The following SEPTIN9 variants were observed in gnomAD, a reference collection of about 807,000 sequenced individuals.
The protein encoded by SEPTIN9 is septin 9.
SEPTIN9 carries 13 observed loss-of-function variants against 56.6 expected under a neutral mutation model. The ratio of observed to expected loss-of-function variants is 0.23; its 90% CI spans 0.15 to 0.37. SEPTIN9 has a LOEUF of 0.37. SEPTIN9 is among the 10% of genes least tolerant of loss of function. The pLI, the probability that SEPTIN9 is intolerant of heterozygous loss-of-function variation, is 1.00. For synonymous variants in SEPTIN9, 332 were observed against 334.1 expected, an observed-to-expected ratio of 0.99 and a Z score of 0.07; for missense variants, 650 against 823.1, an observed-to-expected ratio of 0.79 and a Z score of 2.57.
At chr17:77,338,453 C>T (rs1042748463) in intron 2 of SEPTIN9, among the ~76,000 whole-genome samples, 2 of 151,822 alleles carry the variant, frequency 1.3e-5, no homozygotes, top group African/African-American at 4.8e-5. Flanking sequence ...GAGTCTTGCT[C>T]TATTGCCCAG....
intron 2 of SEPTIN9, among the ~76,000 whole-genome samples, chr17:77,328,193 A>C (rs1358673055): frequency 6.6e-6 from 1 of 150,994 alleles, no homozygotes; most frequent in East Asian, 1.9e-4. Flanking sequence ...GGGCGTCCCC[A>C]TGCCCAGGGT....
At position 77,319,256 on chromosome 17, in the gene SEPTIN9, C is replaced by G. The variant is rs2032813302; in HGVS notation, c.76+12059C>G. 6.6e-6 allele frequency among the ~76,000 whole-genome samples: 1 copy of G among 152,220 alleles called. No individual in the cohort carries two copies. Among genetic ancestry groups the G allele is most frequent in the Non-Finnish European group, 1.5e-5 (1 of 68,050 alleles). On this transcript the variant is annotated intron_variant, in intron 2 of 11. Coordinates refer to ENST00000427177, the MANE Select transcript of SEPTIN9 (RefSeq NM_001113491.2). This position sits in a 1 kb window ranked among gnomAD's most constrained non-coding sequence, Gnocchi z 5.3. ...CCCACATTGTAAACCCCCACCTGCT[C>G]TGCTGAGCCCTTGGCCTCAGCATGG... is the stretch of plus-strand genomic sequence containing the variant.
At chr17:77,471,417 C>A (rs905210249) in intron 3 of SEPTIN9, among the ~76,000 whole-genome samples, 2 of 152,254 alleles carry the variant, frequency 1.3e-5, no homozygotes, top group Admixed American at 1.3e-4. Context: ...TTCTACCCAG[C>A]ACCTGGCAGG....
At chr17:77,295,723 C>T (rs527839630) in intron 1 of SEPTIN9, among the ~76,000 whole-genome samples, 30 of 152,184 alleles carry the variant, frequency 2.0e-4, no homozygotes, top group African/African-American at 6.5e-4. Context: ...CATCTGCAGC[C>T]GGCCTCACTT....
chr17:77,358,569 G>T (rs2034324927), intron 2 of SEPTIN9, among the ~76,000 whole-genome samples: 1 of 152,110 alleles, frequency 6.6e-6, no homozygotes, highest in Admixed American at 6.6e-5. Context: ...AACCTGGGAG[G>T]TGGAGGTTGC....
chr17:77,390,341 C>T (rs367662592), intron 2 of SEPTIN9, among the ~76,000 whole-genome samples: 657 of 59,656 alleles, frequency 0.011, 8 homozygotes, highest in African/African-American at 0.06. Context: ...AGCAAGACTC[C>T]GTCTTAAAAA....
At chr17:77,491,057 C>T (rs2040005149) in intron 8 of SEPTIN9, among the ~76,000 whole-genome samples, 198 bp downstream of exon 8, 1 of 152,198 alleles carries the variant, frequency 6.6e-6, no homozygotes, top group Non-Finnish European at 1.5e-5. Flanking sequence ...GCCTCTCCAG[C>T]TCCCCCATAT....
intron 3 of SEPTIN9, among the ~76,000 whole-genome samples, chr17:77,448,786 TTTC>T (rs914094507): frequency 3.9e-5 from 6 of 152,142 alleles, no homozygotes; most frequent in Non-Finnish European, 8.8e-5. Context: ...TTTCTTTTCT[TTTC>T]TTTTTTTTTT....
intron 3 of SEPTIN9, among the ~76,000 whole-genome samples, chr17:77,431,459 C>T (rs748712212): frequency 7.9e-5 from 12 of 152,260 alleles, no homozygotes; most frequent in Non-Finnish European, 1.6e-4. Context: ...AACATGTTCA[C>T]GTTTCCTTCT....
intron 3 of SEPTIN9, among the ~76,000 whole-genome samples, chr17:77,470,468 A>ACT: frequency 1.3e-5 from 2 of 151,648 alleles, no homozygotes; most frequent in South Asian, 2.1e-4. Flanking sequence ...CTACTCATCC[A>ACT]CTCACCCACC....
chr17:77,378,978 T>C (rs1417331799), intron 2 of SEPTIN9, among the ~76,000 whole-genome samples: 1 of 152,040 alleles, frequency 6.6e-6, no homozygotes, highest in African/African-American at 2.4e-5. Flanking sequence ...TGCGTTCGGC[T>C]CTGCAGGCTG....
At chr17:77,370,125 C>G (rs968043988) in intron 2 of SEPTIN9, among the ~76,000 whole-genome samples, 1 of 152,200 alleles carries the variant, frequency 6.6e-6, no homozygotes, top group Non-Finnish European at 1.5e-5. Context: ...GGGAATAAGG[C>G]ACGAGTTTCT....
At position 77,477,296 on chromosome 17, in the gene SEPTIN9, G is replaced by A. The variant is rs77982573; in HGVS notation, c.722-4848G>A. On this transcript the variant is annotated intron_variant, in intron 3 of 11. Coordinates refer to ENST00000427177, the MANE Select transcript of SEPTIN9 (RefSeq NM_001113491.2). The stretch of plus-strand genomic sequence containing the variant: ...CACCCCAAAAGGAAACGCCATCCTC[G>A]GTACACAGTCACTCCCCCTCCCCCA... 2.2e-4 allele frequency among the ~76,000 whole-genome samples: 34 copies of A among 152,036 alleles called. No homozygotes were observed. The East Asian group carries it at 4.2e-3, about 19-fold the overall frequency.
chr17:77,317,248 C>T lies in SEPTIN9; in HGVS notation c.76+10051C>T, dbSNP rs1231581043. Among the ~76,000 whole-genome samples the T allele has an allele frequency of 6.6e-6, 1 of 152,168 alleles. No homozygotes were observed. Among genetic ancestry groups the T allele is most frequent in the African/African-American group, 2.4e-5 (1 of 41,442 alleles). On this transcript the variant is annotated intron_variant, in intron 2 of 11. Transcript: ENST00000427177. This position sits in a 1 kb window ranked among gnomAD's most constrained non-coding sequence, Gnocchi z 4.2. ...CACATCCGAGATCAGGGTCACCAGG[C>T]TGAAATCAGGGTGTCCACTGGGCAT...
At chr17:77,414,761 A>T (rs1402348239) in intron 3 of SEPTIN9, among the ~76,000 whole-genome samples, 1 of 151,820 alleles carries the variant, frequency 6.6e-6, no homozygotes, top group Non-Finnish European at 1.5e-5. Context: ...TATTTTTTGT[A>T]GAGATGGGGT....
intron 3 of SEPTIN9, chr17:77,446,366 C>CT (rs886990745): frequency 3.1e-3 from 466 of 151,558 alleles, no homozygotes; most frequent in Middle Eastern, 0.018. Flanking sequence ...CTGCCTTCCT[C>CT]TTTTTTTTTT....
chr17:77,417,592 G>A (rs889471957), intron 3 of SEPTIN9, among the ~76,000 whole-genome samples: 1 of 152,162 alleles, frequency 6.6e-6, no homozygotes, highest in Non-Finnish European at 1.5e-5. Context: ...TTTCCACATA[G>A]CCAAACAAAA....
At chr17:77,410,659 T>C (rs1380410907) in intron 3 of SEPTIN9, among the ~76,000 whole-genome samples, 1 of 152,174 alleles carries the variant, frequency 6.6e-6, no homozygotes, top group East Asian at 1.9e-4. Flanking sequence ...GCAGCGTGGT[T>C]AGAGTGGACA....
Position 77,475,863 on chromosome 17 carries a change from CCTTGCATTCTG to C in SEPTIN9, c.722-6276_722-6266del. The stretch of plus-strand genomic sequence containing the variant: ...GCCTCCGTGGGCAGGAGGAGGATGA[CCTTGCATTCTG>C]CTTGGCCACCATTGGCAGTGACAGA... On this transcript the variant is annotated intron_variant, in intron 3 of 11. Transcript: ENST00000427177. The surrounding 1 kb of genome is among the most constrained non-coding windows in gnomAD (Gnocchi z 4.6). 3 of 1,613,106 alleles carry C rather than the reference CCTTGCATTCTG, an allele frequency of 1.9e-6. No homozygotes were observed. The highest frequency in any genetic ancestry group is 2.5e-6 in the Non-Finnish European group (3 of 1,179,538).
Sources: gnomAD v4.1 joint callset for allele counts (sites outside exome capture counted in the v4.1 genomes callset) on GRCh38, gnomAD v4.1.1 for gene constraint, Gnocchi (gnomAD v3.1) non-coding constraint, MANE v1.5 for transcripts, NCBI Gene and HGNC (gene_info 2026-07-23, HGNC 2026-07-21) for gene names.